The following DPY19L2 variants were observed in gnomAD, a reference collection of about 807,000 sequenced individuals.
The protein encoded by DPY19L2 is probable C-mannosyltransferase DPY19L2.
A neutral mutation model predicts 97.9 loss-of-function variants in DPY19L2; 34 were observed. That is an observed-to-expected ratio of 0.35 (90% CI 0.26 to 0.46). DPY19L2 has a LOEUF of 0.46. DPY19L2 is among the 20% of genes least tolerant of loss of function. DPY19L2 has a pLI of 1.00. For synonymous variants in DPY19L2, 230 were observed against 307.9 expected, an observed-to-expected ratio of 0.75 and a Z score of 2.65; for missense variants, 623 against 911.4, an observed-to-expected ratio of 0.68 and a Z score of 4.07.
In DPY19L2 at chr12:63,597,619, A is replaced by G. The variant is rs551898258; in HGVS notation, c.1461+190T>C. Among the ~76,000 whole-genome samples, 269 of 142,992 alleles carry G rather than the reference A, an allele frequency of 1.9e-3. 1 individual carries two copies. The highest frequency in any genetic ancestry group is 6.7e-3 in the African/African-American group (250 of 37,276). 93.8% of individuals were successfully genotyped at this position (142,992 alleles called of 152,430 possible). Reference sequence around the variant, plus strand: ...TCATTTAACCATCATCAATAACTCTATAAGATAGAGGCTATCTTTTTTTTT... The same window carrying G: ...TCATTTAACCATCATCAATAACTCTGTAAGATAGAGGCTATCTTTTTTTTT... On this transcript the variant is annotated intron_variant, in intron 14 of 21. Coordinates refer to ENST00000324472, the MANE Select transcript of DPY19L2 (RefSeq NM_173812.5).
chr12:63,631,348 T>C (rs1181011490), intron 6 of DPY19L2, among the ~76,000 whole-genome samples: 9 of 151,378 alleles, frequency 5.9e-5, no homozygotes, highest in Admixed American at 5.9e-4. Context: ...GAGAGAAGAA[T>C]CAAATAGACG....
At chr12:63,590,760 T>A (rs528034304) in intron 16 of DPY19L2, among the ~76,000 whole-genome samples, 1 of 152,130 alleles carries the variant, frequency 6.6e-6, no homozygotes, top group East Asian at 1.9e-4. Flanking sequence ...AGGGGAGTAT[T>A]CCCTCTCTTT....
intron 9 of DPY19L2, 108 bp from the exon 10 acceptor site, chr12:63,618,336 A>G (rs1195797987): frequency 5.3e-6 from 2 of 380,026 alleles, no homozygotes; most frequent in East Asian, 4.5e-5. Context: ...TAATAATGGT[A>G]AGCAAAGGAA....
In DPY19L2 at chr12:63,668,284, A is replaced by G. The variant is rs1263831561; in HGVS notation, c.110T>C (p.Met37Thr). The G allele has an allele frequency of 1.9e-6, 3 of 1,613,388 alleles. No homozygotes were observed. Among genetic ancestry groups the G allele is most frequent in the South Asian group, 1.1e-5 (1 of 91,036 alleles). Residue 37 changes from methionine to threonine, a missense_variant, in exon 1 of 22, where the codon ATG (methionine) becomes ACG (threonine). Around this residue, in one of 6 missense-constraint regions of DPY19L2, gnomAD observed 144 missense variants for 119.4 expected, o/e 1.21. Coordinates refer to ENST00000324472, the MANE Select transcript of DPY19L2 (RefSeq NM_173812.5). ...LAREPEVEEE[M>T]EKSALGGGKL... ...CCCGCCGCCTAGGGCCGACTTTTCCATCTCCTCCTCTACCTCCGGCTCCCG... is the reference window on the plus strand; with the variant it reads ...CCCGCCGCCTAGGGCCGACTTTTCCGTCTCCTCCTCTACCTCCGGCTCCCG...
chr12:63,590,373 T>C (rs1882684748), intron 16 of DPY19L2, among the ~76,000 whole-genome samples: 1 of 152,152 alleles, frequency 6.6e-6, no homozygotes. Flanking sequence ...TATGCAGGCC[T>C]CATAATCAGC....
At chr12:63,572,025 A>G (rs1278177581) in intron 19 of DPY19L2, among the ~76,000 whole-genome samples, 1 of 151,526 alleles carries the variant, frequency 6.6e-6, no homozygotes, top group Non-Finnish European at 1.5e-5. Context: ...ACCAAATGTG[A>G]TAATGATCTA....
intron 9 of DPY19L2, among the ~76,000 whole-genome samples, chr12:63,620,969 C>T (rs1197840688): frequency 6.6e-6 from 1 of 151,922 alleles, no homozygotes; most frequent in Non-Finnish European, 1.5e-5. Flanking sequence ...CCAAACACCA[C>T]ATGTTCTCAC....
intron 9 of DPY19L2, among the ~76,000 whole-genome samples, chr12:63,618,545 C>G (rs1379818885): frequency 6.6e-6 from 1 of 152,116 alleles, no homozygotes; most frequent in Non-Finnish European, 1.5e-5. Context: ...CCAATTTCAA[C>G]AGAGGCAGAT....
At chr12:63,589,308 T>C (rs1488195432) in intron 16 of DPY19L2, among the ~76,000 whole-genome samples, 1 of 105,850 alleles carries the variant, frequency 9.4e-6, no homozygotes, top group African/African-American at 3.4e-5. Flanking sequence ...GGAAAAACTA[T>C]CAGAACCAGA....
chr12:63,588,580 A>C (rs1882220563), intron 16 of DPY19L2, among the ~76,000 whole-genome samples: 1 of 152,224 alleles, frequency 6.6e-6, no homozygotes. Context: ...AGGAGAAAAA[A>C]TATATAATAA....
rs1211484363 is a variant in DPY19L2 at position 63,618,067 on chromosome 12, T to G, written c.1131+84A>C. The stretch of plus-strand genomic sequence containing the variant: ...GTATTAAATATTACCAAAGAGGAGG[T>G]ACCGTATAAAACAGAATCACTTCGA... On this transcript the variant is annotated intron_variant, in intron 10 of 21. Coordinates refer to ENST00000324472, the MANE Select transcript of DPY19L2 (RefSeq NM_173812.5). 13 of 1,356,476 alleles carry G rather than the reference T, an allele frequency of 9.6e-6. No homozygotes were observed. The Admixed American group carries it at 2.6e-4, about 27-fold the overall frequency. The allele number at this position is 1,356,476 out of a possible 1,614,324, so 84.0% of individuals were successfully genotyped here. A position where few individuals can be genotyped will look rare whatever the true frequency, so the allele number is the denominator to read the frequency against.
chr12:63,663,764 A>T lies in DPY19L2; in HGVS notation c.444T>A (p.Thr148=). The T allele has an allele frequency of 1.2e-6, 2 of 1,600,606 alleles. No individual in the cohort carries two copies. The highest frequency in any genetic ancestry group is 1.7e-6 in the Non-Finnish European group (2 of 1,176,374). The part of the protein sequence containing the change: ...SSLEREMTFR[T]EMGLYYSYFK... ...TTAGAAGAAGAAACCTAACCATTTC[A>T]GTGCGAAAAGTCATCTCCCGTTCCA... Residue 148 remains threonine (T), a synonymous_variant, in exon 3 of 22, where the codon ACT becomes ACA. Transcript: ENST00000324472.
intron 6 of DPY19L2, among the ~76,000 whole-genome samples, chr12:63,636,020 G>C (rs764348032): frequency 1.3e-5 from 2 of 152,104 alleles, no homozygotes; most frequent in African/African-American, 4.8e-5. Flanking sequence ...GTAAAGGGCA[G>C]CCAGAGAGAA....
chr12:63,581,576 C>T (rs1185485459), intron 18 of DPY19L2, among the ~76,000 whole-genome samples: 4 of 150,384 alleles, frequency 2.7e-5, no homozygotes, highest in Admixed American at 6.6e-5. Context: ...CTCCACTTCC[C>T]GGGTTCAAGC....
chr12:63,606,589 A>G (rs11533673), intron 12 of DPY19L2, among the ~76,000 whole-genome samples: 92,934 of 151,938 alleles, frequency 0.61, 29,111 homozygotes, highest in African/African-American at 0.74. Flanking sequence ...ATTTATCACA[A>G]GTGGATTATC....
chr12:63,665,074 TGAAA>T (rs151118063), intron 2 of DPY19L2, among the ~76,000 whole-genome samples: 3,367 of 152,274 alleles, frequency 0.022, 137 homozygotes, highest in African/African-American at 0.077. Flanking sequence ...GCTTGCACAC[TGAAA>T]GACTCAGAGC....
chr12:63,565,346 T>C (rs1176001160), intron 21 of DPY19L2, among the ~76,000 whole-genome samples: 1 of 152,162 alleles, frequency 6.6e-6, no homozygotes, highest in Non-Finnish European at 1.5e-5. Flanking sequence ...CAGGAGGCTC[T>C]AGAAGAAAAT....
chr12:63,565,448 C>T (rs1428245189), intron 21 of DPY19L2, among the ~76,000 whole-genome samples: 1 of 152,164 alleles, frequency 6.6e-6, no homozygotes, highest in Non-Finnish European at 1.5e-5. Flanking sequence ...ACCATCACAT[C>T]GCCTTTTTGA....
chr12:63,583,339 C>T (rs1881261765), intron 17 of DPY19L2, among the ~76,000 whole-genome samples: 1 of 152,186 alleles, frequency 6.6e-6, no homozygotes, highest in African/African-American at 2.4e-5. Context: ...TAATTTTACA[C>T]CATATAAAAT....
Sources: allele counts gnomAD v4.1 joint callset (sites outside exome capture counted in the v4.1 genomes callset), GRCh38; gene constraint gnomAD v4.1.1; regional missense constraint gnomAD v4.1.1; transcripts MANE v1.5; gene names NCBI Gene and HGNC (gene_info 2026-07-23, HGNC 2026-07-21).